Variants in ANKFN1 observed in about 807,000 individuals in gnomAD.
The protein encoded by ANKFN1 is ankyrin repeat and fibronectin type III domain containing 1, also known as ankyrin repeat and fibronectin type-III domain-containing protein 1.
Under a neutral mutation model 108.7 loss-of-function variants are expected in ANKFN1, and 74 were observed. That is an observed-to-expected ratio of 0.68 (90% CI 0.56 to 0.83). ANKFN1 has a LOEUF of 0.83. Ranked by LOEUF, ANKFN1 falls within the 40% of genes least tolerant of loss-of-function variation. ANKFN1 has a pLI of 0.00. For synonymous variants in ANKFN1, 547 were observed against 516.2 expected (o/e 1.06, Z -0.81); for missense variants, 1,505 against 1,382.3 (o/e 1.09, Z -1.41).
At chr17:56,157,288 G>T (rs999353074) in intron 1 of ANKFN1, among the ~76,000 whole-genome samples, 1 of 152,174 alleles carries the variant, frequency 6.6e-6, no homozygotes, top group Non-Finnish European at 1.5e-5. Flanking sequence ...TCTAAAACAG[G>T]TGAGGAGGAA....
chr17:56,373,457 A>G (rs967693619), intron 7 of ANKFN1, among the ~76,000 whole-genome samples: 1 of 152,256 alleles, frequency 6.6e-6, no homozygotes, highest in African/African-American at 2.4e-5. Flanking sequence ...TACAAAAACA[A>G]AATATAAAAT....
intron 14 of ANKFN1, among the ~76,000 whole-genome samples, chr17:56,463,381 G>C (rs2049974872): frequency 6.6e-6 from 1 of 151,986 alleles, no homozygotes; most frequent in Admixed American, 6.6e-5. Flanking sequence ...TTACTGTGTA[G>C]TAATTTACAA....
At chr17:56,307,281 T>C (rs2144408962) in intron 3 of ANKFN1, among the ~76,000 whole-genome samples, 1 of 152,022 alleles carries the variant, frequency 6.6e-6, no homozygotes, top group East Asian at 1.9e-4. Flanking sequence ...ACCATCAGAG[T>C]GAACAGGCAA....
At chr17:56,180,010 G>T (rs1009748477) in intron 1 of ANKFN1, among the ~76,000 whole-genome samples, 1 of 152,114 alleles carries the variant, frequency 6.6e-6, no homozygotes, top group East Asian at 1.9e-4. Flanking sequence ...CTGAATACTC[G>T]TATGTGAATA....
intron 10 of ANKFN1, among the ~76,000 whole-genome samples, chr17:56,447,607 G>C (rs75923795): frequency 0.052 from 7,859 of 152,226 alleles, 417 homozygotes; most frequent in African/African-American, 0.14. Context: ...GGGTGGAAAG[G>C]AAGAAGGATC....
chr17:56,101,789 T>C (rs1422586228), intron 4 of ANKFN1, among the ~76,000 whole-genome samples: 1 of 152,194 alleles, frequency 6.6e-6, no homozygotes, highest in Admixed American at 6.5e-5. Context: ...GAGAAGCACA[T>C]GTTGACCAGT....
chr17:56,058,130 T>C (rs1904912857), intron 4 of ANKFN1, among the ~76,000 whole-genome samples: 1 of 152,318 alleles, frequency 6.6e-6, no homozygotes, highest in African/African-American at 2.4e-5. Flanking sequence ...TTTGGAATGG[T>C]AAATGAACAA....
At chr17:56,481,023 T>A (rs898882151) in intron 17 of ANKFN1, among the ~76,000 whole-genome samples, 3 of 142,276 alleles carry the variant, frequency 2.1e-5, no homozygotes, top group African/African-American at 8.1e-5. Flanking sequence ...TTCCTCCAGC[T>A]CCTCTGTGTT....
chr17:56,097,673 C>A (rs920135528), intron 4 of ANKFN1, among the ~76,000 whole-genome samples: 1 of 152,200 alleles, frequency 6.6e-6, no homozygotes, highest in African/African-American at 2.4e-5. Context: ...AACCTTCCAG[C>A]GAGTTCTGTG....
chr17:56,242,747 T>G (rs142633006), intron 3 of ANKFN1, among the ~76,000 whole-genome samples: 54 of 152,250 alleles, frequency 3.5e-4, no homozygotes, highest in African/African-American at 1.2e-3. Context: ...TGTCTCGGAC[T>G]TTAGTAAGAA....
intron 1 of ANKFN1, among the ~76,000 whole-genome samples, chr17:56,155,711 G>A (rs1385524928): frequency 6.6e-6 from 1 of 152,196 alleles, no homozygotes; most frequent in Non-Finnish European, 1.5e-5. Flanking sequence ...GGCAGAAACA[G>A]AGTGAAGCAG....
intron 4 of ANKFN1, among the ~76,000 whole-genome samples, chr17:56,100,830 A>G (rs1905633171): frequency 6.6e-6 from 1 of 152,182 alleles, no homozygotes; most frequent in Non-Finnish European, 1.5e-5. Context: ...GGTTCCCCCA[A>G]ACTTCACCTG....
chr17:56,154,411 CA>C (rs1908894278), intron 1 of ANKFN1, among the ~76,000 whole-genome samples: 1 of 152,050 alleles, frequency 6.6e-6, no homozygotes, highest in Non-Finnish European at 1.5e-5. Flanking sequence ...TTGAAAAAAC[CA>C]GAGATAAGTG....
intron 18 of ANKFN1, among the ~76,000 whole-genome samples, chr17:56,490,838 G>A (rs1337347752): frequency 6.6e-6 from 1 of 152,016 alleles, no homozygotes; most frequent in African/African-American, 2.4e-5. Flanking sequence ...GAGTAAGGAT[G>A]GATCACTCAC....
chr17:56,363,308 GA>G (rs1180677978), intron 6 of ANKFN1, among the ~76,000 whole-genome samples: 2 of 151,690 alleles, frequency 1.3e-5, no homozygotes, highest in African/African-American at 4.8e-5. Flanking sequence ...CAGATATATG[GA>G]AAAAAAATGA....
At chr17:56,241,854 A>G (rs2144003447) in intron 3 of ANKFN1, among the ~76,000 whole-genome samples, 1 of 152,226 alleles carries the variant, frequency 6.6e-6, no homozygotes, top group East Asian at 1.9e-4. Context: ...GGATACTCAG[A>G]CAATGAATTT....
rs765114232 is a variant in ANKFN1 at position 56,457,992 on chromosome 17, G to A, written c.1557+13G>A. On this transcript the variant is annotated intron_variant, in intron 14 of 20. Coordinates refer to ENST00000682825, the MANE Select transcript of ANKFN1 (RefSeq NM_001370326.1). Reference sequence around the variant, plus strand: ...AGCACAGCTACAGGTAAGGGACCAGGTTTCAACCCAGGCCCCCAAGGAAAA... The same window carrying A: ...AGCACAGCTACAGGTAAGGGACCAGATTTCAACCCAGGCCCCCAAGGAAAA... The A allele has an allele frequency of 1.9e-6, 3 of 1,607,602 alleles. No individual in the cohort carries two copies. Among genetic ancestry groups the A allele is most frequent in the East Asian group, 4.5e-5 (2 of 44,824 alleles).
intron 8 of ANKFN1, among the ~76,000 whole-genome samples, chr17:56,437,476 ATCATG>A (rs1166304961): frequency 6.6e-6 from 1 of 152,170 alleles, no homozygotes; most frequent in East Asian, 1.9e-4. Context: ...ACAGCAATTA[ATCATG>A]TCTGTTTCAA....
intron 4 of ANKFN1, among the ~76,000 whole-genome samples, chr17:56,098,443 C>T (rs985800836): frequency 2.4e-4 from 24 of 101,278 alleles, no homozygotes; most frequent in African/African-American, 1.1e-3. Flanking sequence ...CACACACGCG[C>T]GCGCACATAC....
Sources: gnomAD v4.1 joint callset for allele counts (sites outside exome capture counted in the v4.1 genomes callset) on GRCh38, gnomAD v4.1.1 for gene constraint, MANE v1.5 for transcripts, NCBI Gene and HGNC (gene_info 2026-07-23, HGNC 2026-07-21) for gene names.